Variants in SPOCK1 observed in about 807,000 individuals in gnomAD.
The protein encoded by SPOCK1 is testican-1.
A neutral mutation model predicts 55.3 loss-of-function variants in SPOCK1; 23 were observed. The observed-to-expected ratio is 0.42, with a 90% CI of 0.30 to 0.59. The LOEUF (loss-of-function observed/expected upper bound fraction) is 0.59. SPOCK1 is among the 20% of genes least tolerant of loss of function. SPOCK1 has a pLI of 0.22. For missense variants in SPOCK1, 499 were observed against 552.5 expected, an observed-to-expected ratio of 0.90 and a Z score of 0.97; for synonymous variants, 226 against 221.0, an observed-to-expected ratio of 1.02 and a Z score of -0.20.
intron 5 of SPOCK1, among the ~76,000 whole-genome samples, chr5:137,096,302 G>GAAA (rs11405639): frequency 6.9e-6 from 1 of 143,908 alleles, no homozygotes; most frequent in East Asian, 2.0e-4. Flanking sequence ...AGACAAAAAA[G>GAAA]AAAAAAAAAA....
chr5:137,152,607 A>C (rs1325659907), intron 3 of SPOCK1, among the ~76,000 whole-genome samples: 1 of 152,200 alleles, frequency 6.6e-6, no homozygotes, highest in Non-Finnish European at 1.5e-5. Flanking sequence ...AATGGCAGCA[A>C]AATTCTTTCC....
intron 2 of SPOCK1, among the ~76,000 whole-genome samples, chr5:137,322,120 C>G (rs1363780056): frequency 6.6e-6 from 1 of 151,928 alleles, no homozygotes; most frequent in Non-Finnish European, 1.5e-5. Context: ...GCAGTGAACC[C>G]AGGAGTTCGA....
At chr5:137,282,429 T>C (rs562579532) in intron 2 of SPOCK1, among the ~76,000 whole-genome samples, 3 of 152,372 alleles carry the variant, frequency 2.0e-5, no homozygotes, top group Admixed American at 6.5e-5. Flanking sequence ...GATGGATTTC[T>C]CATTATCTGT....
At chr5:137,054,784 G>A (rs1490162522) in intron 6 of SPOCK1, among the ~76,000 whole-genome samples, 2 of 152,118 alleles carry the variant, frequency 1.3e-5, no homozygotes, top group Non-Finnish European at 2.9e-5. Context: ...AATTAAATTT[G>A]TAACAGACAT....
chr5:137,480,787 T>C (rs1211361373), intron 2 of SPOCK1, among the ~76,000 whole-genome samples: 1 of 152,090 alleles, frequency 6.6e-6, no homozygotes, highest in Non-Finnish European at 1.5e-5. Context: ...GTGGGAAGTA[T>C]TTAACCAGGA....
intron 5 of SPOCK1, among the ~76,000 whole-genome samples, chr5:137,083,151 G>A (rs532597018): frequency 9.9e-5 from 15 of 152,250 alleles, no homozygotes; most frequent in African/African-American, 3.1e-4. Context: ...AAGTAATAAC[G>A]AGCAGTCACA....
At chr5:137,269,913 T>C (rs557371854) in intron 2 of SPOCK1, among the ~76,000 whole-genome samples, 9 of 151,942 alleles carry the variant, frequency 5.9e-5, no homozygotes, top group Non-Finnish European at 1.0e-4. Context: ...GAGCCAGGCT[T>C]TTAAAAAAAA....
At chr5:137,280,456 A>C (rs998949791) in intron 2 of SPOCK1, among the ~76,000 whole-genome samples, 6 of 152,240 alleles carry the variant, frequency 3.9e-5, no homozygotes, top group African/African-American at 9.6e-5. Context: ...CAGACTAGCA[A>C]GGACTGGAAT....
intron 2 of SPOCK1, among the ~76,000 whole-genome samples, chr5:137,275,265 A>G (rs1186664517): frequency 2.0e-5 from 3 of 152,210 alleles, no homozygotes; most frequent in African/African-American, 7.2e-5. Flanking sequence ...AGGTCCAGCC[A>G]TCTTTCTGAG....
chr5:137,205,201 CT>C (rs1370112165), intron 3 of SPOCK1, among the ~76,000 whole-genome samples: 1 of 152,138 alleles, frequency 6.6e-6, no homozygotes, highest in African/African-American at 2.4e-5. Flanking sequence ...TGGCATGGTA[CT>C]TGGTAAGAAT....
chr5:137,231,106 T>G (rs1756051062), intron 3 of SPOCK1, among the ~76,000 whole-genome samples: 1 of 151,954 alleles, frequency 6.6e-6, no homozygotes, highest in Non-Finnish European at 1.5e-5. Context: ...TATAATGGCA[T>G]GATCTTGGCT....
intron 2 of SPOCK1, among the ~76,000 whole-genome samples, chr5:137,402,391 CTTTAA>C (rs1383844350): frequency 6.6e-6 from 1 of 152,230 alleles, no homozygotes; most frequent in Non-Finnish European, 1.5e-5. Flanking sequence ...ATTTCACAGA[CTTTAA>C]TTTAGTCAGC....
chr5:137,014,936 C>G (rs532811702), intron 6 of SPOCK1, among the ~76,000 whole-genome samples: 13 of 152,312 alleles, frequency 8.5e-5, no homozygotes, highest in Non-Finnish European at 1.8e-4. Context: ...AGACAAAGGT[C>G]AAGCCCATTT....
intron 6 of SPOCK1, among the ~76,000 whole-genome samples, chr5:137,052,124 C>G (rs1752218298): frequency 6.6e-6 from 1 of 152,232 alleles, no homozygotes. Flanking sequence ...GGCTGGAGCT[C>G]TAGCAGACAT....
chr5:137,475,317 C>T (rs1753815197), intron 2 of SPOCK1, among the ~76,000 whole-genome samples: 1 of 152,124 alleles, frequency 6.6e-6, no homozygotes, highest in African/African-American at 2.4e-5. Context: ...GGTAGCAGTA[C>T]TCTTCTCTTT....
At chr5:137,050,980 A>G (rs1427194670) in intron 6 of SPOCK1, among the ~76,000 whole-genome samples, 1 of 152,232 alleles carries the variant, frequency 6.6e-6, no homozygotes, top group Admixed American at 6.5e-5. Context: ...TTAACTCTAA[A>G]GTTATCAATT....
chr5:137,268,734 C>CA (rs5871628), intron 2 of SPOCK1, among the ~76,000 whole-genome samples: 103,339 of 152,022 alleles, frequency 0.68, 35,652 homozygotes, highest in African/African-American at 0.77. Flanking sequence ...AAAAAAGGAT[C>CA]AACCGTTCAT....
intron 3 of SPOCK1, among the ~76,000 whole-genome samples, chr5:137,203,650 C>G (rs1755467315): frequency 6.6e-6 from 1 of 152,168 alleles, no homozygotes; most frequent in African/African-American, 2.4e-5. Flanking sequence ...ATCATCTTCT[C>G]TCTATAATCC....
At chr5:137,264,585 T>TAA (rs959266768) in intron 3 of SPOCK1, among the ~76,000 whole-genome samples, 1 of 152,194 alleles carries the variant, frequency 6.6e-6, no homozygotes. Context: ...TTCTACAAAC[T>TAA]AAAACTTTTC....
Sources: allele counts gnomAD v4.1 joint callset (sites outside exome capture counted in the v4.1 genomes callset), GRCh38; gene constraint gnomAD v4.1.1; transcripts MANE v1.5; gene names NCBI Gene and HGNC (gene_info 2026-07-23, HGNC 2026-07-21).